Variants in ITGA11 observed in about 807,000 individuals in gnomAD.
ITGA11 encodes integrin subunit alpha 11.
ITGA11 carries 97 observed loss-of-function variants against 141.9 expected under a neutral mutation model. The ratio of observed to expected loss-of-function variants is 0.68; its 90% CI spans 0.58 to 0.81. ITGA11 has a LOEUF of 0.81. Among genes scored for constraint, ITGA11 ranks in the 30% least tolerant of loss-of-function variants. The pLI, the probability that ITGA11 is intolerant of heterozygous loss-of-function variation, is 0.00. For missense variants in ITGA11, 1,387 were observed against 1,559.2 expected (o/e 0.89, Z 1.86); for synonymous variants, 658 against 624.6 (o/e 1.05, Z -0.80).
In ITGA11 at chr15:68,339,401, C is replaced by T. The variant is rs571005824; in HGVS notation, c.1276+99G>A. 1.4e-4 allele frequency: 193 copies of T among 1,357,544 alleles called. 1 individual carries two copies. The African/African-American group carries it at 2.1e-3, about 15-fold the overall frequency. The allele number at this position is 1,357,544 out of a possible 1,614,324, so 84.1% of individuals were successfully genotyped here. A position where few individuals can be genotyped will look rare whatever the true frequency, so the allele number is the denominator to read the frequency against. On this transcript the variant is annotated intron_variant, in intron 11 of 29. Coordinates refer to ENST00000315757, the MANE Select transcript of ITGA11 (RefSeq NM_001004439.2). ...TGCTTGAATCAGCCCAGAATATACA[C>T]AGCAGGCCCCTCACTCGTGTGTGGG...
intron 1 of ITGA11, among the ~76,000 whole-genome samples, chr15:68,409,100 G>T (rs969337794): frequency 3.1e-4 from 47 of 151,324 alleles, no homozygotes; most frequent in African/African-American, 1.1e-3. Flanking sequence ...CCTTGAGCTG[G>T]CCTCAGCGCT....
chr15:68,353,763 T>C (rs1446992879), intron 7 of ITGA11, among the ~76,000 whole-genome samples: 5 of 152,088 alleles, frequency 3.3e-5, no homozygotes, highest in African/African-American at 1.2e-4. Context: ...CCCATGGAGA[T>C]TTAGGCCCCG....
Position 68,320,281 on chromosome 15 carries a change from C to T in ITGA11, c.2520G>A (p.Val840=). 1.9e-6 allele frequency: 3 copies of T among 1,613,912 alleles called. No homozygotes were observed. The highest frequency in any genetic ancestry group is 1.1e-5 in the South Asian group (1 of 91,082). Residue 840 remains valine, a synonymous_variant, in exon 20 of 30, where the codon GTG becomes GTA. Transcript: ENST00000315757. ...IIESTRQRVA[V]EATLENRGEN... ...CGCCCCTGTTCTCCAGTGTGGCCTC[C>T]ACCGCCACTCGCTGGCGTGTGCTCT...
intron 2 of ITGA11, among the ~76,000 whole-genome samples, chr15:68,374,447 G>A (rs772805077): frequency 1.3e-5 from 2 of 152,178 alleles, no homozygotes; most frequent in Admixed American, 1.3e-4. Flanking sequence ...CAAGGCCAGG[G>A]AGAGAAGTGC....
chr15:68,373,818 G>A (rs76287848), intron 2 of ITGA11, among the ~76,000 whole-genome samples: 5,936 of 152,226 alleles, frequency 0.039, 361 homozygotes, highest in African/African-American at 0.12. Context: ...TGAGGGTTAT[G>A]AGCTGATGCA....
chr15:68,343,575 G>A (rs1215766700), intron 10 of ITGA11, among the ~76,000 whole-genome samples: 3 of 152,216 alleles, frequency 2.0e-5, no homozygotes, highest in African/African-American at 7.2e-5. Context: ...TTTGGCTTTT[G>A]TGAGGCAAGA....
chr15:68,343,704 G>T (rs1490707906), intron 10 of ITGA11, among the ~76,000 whole-genome samples: 1 of 152,212 alleles, frequency 6.6e-6, no homozygotes, highest in Non-Finnish European at 1.5e-5. Context: ...CGTCAGAGTG[G>T]CTGTAGAGGG....
rs1012784721 is a variant in ITGA11, at chr15:68,324,661, G to A, written c.2322+470C>T. On this transcript the variant is annotated intron_variant, in intron 18 of 29. Coordinates refer to ENST00000315757, the MANE Select transcript of ITGA11 (RefSeq NM_001004439.2). This position sits in a 1 kb window ranked among gnomAD's most constrained non-coding sequence, Gnocchi z 6.3. ...GCTTCTTTTTGGAATGCTTAGGACC[G>A]CTGTCAGTCAGTTAAAACACTTCTT... Among the ~76,000 whole-genome samples the A allele has an allele frequency of 3.3e-5, 5 of 151,896 alleles. No individual in the cohort carries two copies. The highest frequency in any genetic ancestry group is 7.4e-5 in the Non-Finnish European group (5 of 67,988).
At chr15:68,313,203 C>A (rs952887775) in intron 23 of ITGA11, among the ~76,000 whole-genome samples, 1 of 151,956 alleles carries the variant, frequency 6.6e-6, no homozygotes, top group East Asian at 1.9e-4. Flanking sequence ...GGATGGCTGG[C>A]GTGGGAGGGC....
chr15:68,351,420 G>T lies in ITGA11; in HGVS notation c.750-18C>A. 6.2e-7 allele frequency: 1 copy of T among 1,612,718 alleles called. No individual in the cohort carries two copies. ...CCTCTGAGCTGGAAGCCAAGCACAG[G>T]GGCAGGGTCATGAAAGGTAAGTGGG... is the stretch of plus-strand genomic sequence containing the variant. On this transcript the variant is annotated intron_variant, in intron 7 of 29. Coordinates refer to ENST00000315757, the MANE Select transcript of ITGA11 (RefSeq NM_001004439.2).
At chr15:68,351,877 G>A (rs1595873158) in intron 7 of ITGA11, among the ~76,000 whole-genome samples, 1 of 152,214 alleles carries the variant, frequency 6.6e-6, no homozygotes, top group East Asian at 1.9e-4. Context: ...GAGGTTGGGA[G>A]TTCGAGACTA....
At chr15:68,392,594 C>T (rs1896147175) in intron 2 of ITGA11, among the ~76,000 whole-genome samples, 1 of 152,150 alleles carries the variant, frequency 6.6e-6, no homozygotes. Flanking sequence ...TGGCTGACTC[C>T]TAAGCTGTGT....
rs1893826727 is a variant in ITGA11, at chr15:68,321,916, A to T, written c.2323-413T>A. On this transcript the variant is annotated intron_variant, in intron 18 of 29. Coordinates refer to ENST00000315757, the MANE Select transcript of ITGA11 (RefSeq NM_001004439.2). The surrounding 1 kb of genome is among the most constrained non-coding windows in gnomAD (Gnocchi z 4.9). The stretch of plus-strand genomic sequence containing the variant: ...AATCACTAGTGTAAAATGTGCAAAA[A>T]AACCGAAAAGAAATGTGCATGAGGA... Among the ~76,000 whole-genome samples the T allele has an allele frequency of 6.6e-6, 1 of 152,236 alleles. No homozygotes were observed. The highest frequency in any genetic ancestry group is 6.5e-5 in the Admixed American group (1 of 15,284).
At chr15:68,370,740 A>AGG (rs943403666) in intron 2 of ITGA11, among the ~76,000 whole-genome samples, 5 of 152,238 alleles carry the variant, frequency 3.3e-5, no homozygotes, top group Admixed American at 6.5e-5. Flanking sequence ...TCTGGGGCAC[A>AGG]GGGACAGGTT....
chr15:68,302,157 C>T lies in ITGA11; in HGVS notation c.*902G>A, dbSNP rs1031421463. On this transcript the variant is annotated 3_prime_UTR_variant, in exon 30 of 30. Transcript: ENST00000315757. Reference sequence around the variant, plus strand: ...AGGGAGGGGAGGCTCCCTACCCCTACCCCTGCTGCCCAGCTGCAGCCAGGC... The same window carrying T: ...AGGGAGGGGAGGCTCCCTACCCCTATCCCTGCTGCCCAGCTGCAGCCAGGC... 2 of 151,650 alleles carry T rather than the reference C, an allele frequency of 1.3e-5. No individual in the cohort carries two copies. The highest frequency in any genetic ancestry group is 4.9e-5 in the African/African-American group (2 of 40,788). The allele number at this position is 151,650 out of a possible 1,614,324, so 9.4% of individuals were successfully genotyped here.
intron 7 of ITGA11, among the ~76,000 whole-genome samples, chr15:68,355,846 T>C (rs994625900): frequency 2.0e-5 from 3 of 152,116 alleles, no homozygotes; most frequent in South Asian, 2.1e-4. Flanking sequence ...TCTCAACAAA[T>C]GCAGCAGAAT....
At chr15:68,332,206 A>C in intron 13 of ITGA11, 132 bp downstream of exon 13, 1 of 1,270,108 alleles carries the variant, frequency 7.9e-7, no homozygotes, top group Non-Finnish European at 1.1e-6. Flanking sequence ...CCAGCCACAG[A>C]GGAGGCTCTG....
intron 24 of ITGA11, 58 bp from the exon 25 acceptor site, chr15:68,311,461 G>T: frequency 8.0e-7 from 1 of 1,252,092 alleles, no homozygotes; most frequent in Non-Finnish European, 1.1e-6. Flanking sequence ...GGAAAACAAG[G>T]TCCACAGGGG....
intron 2 of ITGA11, among the ~76,000 whole-genome samples, chr15:68,389,243 G>T (rs1436914404): frequency 6.6e-6 from 1 of 152,234 alleles, no homozygotes; most frequent in Non-Finnish European, 1.5e-5. Flanking sequence ...GATCCTTTTT[G>T]TGTGTCCCTC....
Sources: allele counts gnomAD v4.1 joint callset (sites outside exome capture counted in the v4.1 genomes callset), GRCh38; gene constraint gnomAD v4.1.1; non-coding constraint Gnocchi (gnomAD v3.1); transcripts MANE v1.5; gene names NCBI Gene and HGNC (gene_info 2026-07-23, HGNC 2026-07-21).